Variants in BRPF1 observed in about 807,000 individuals in gnomAD.
BRPF1 encodes the protein bromodomain and PHD finger containing 1, also known as peregrin.
Under a neutral mutation model 115.0 loss-of-function variants are expected in BRPF1, and 15 were observed. The observed-to-expected ratio is 0.13, with a 90% CI of 0.09 to 0.20. BRPF1 has a LOEUF of 0.20. Among genes scored for constraint, BRPF1 ranks in the 10% least tolerant of loss-of-function variants. The pLI is 1.00. For synonymous variants in BRPF1, 647 were observed against 619.8 expected (o/e 1.04, Z -0.65); for missense variants, 1,118 against 1,638.3 (o/e 0.68, Z 5.48).
chr3:9,741,636 C>CAA (rs5846643), intron 5 of BRPF1, among the ~76,000 whole-genome samples, 197 bp downstream of exon 5: 27 of 89,188 alleles, frequency 3.0e-4, no homozygotes, highest in East Asian at 2.0e-3. Context: ...GACTCCGTCT[C>CAA]AAAAAAAAAA....
intron 2 of BRPF1, among the ~76,000 whole-genome samples, chr3:9,735,017 CTTTTTTTT>C (rs781439048): frequency 1.7e-5 from 2 of 120,232 alleles, no homozygotes; most frequent in Non-Finnish European, 3.4e-5. Flanking sequence ...CAGATTTATC[CTTTTTTTT>C]TTTTTTTTTT....
chr3:9,735,288 C>T (rs544128670), intron 2 of BRPF1, among the ~76,000 whole-genome samples: 3 of 152,314 alleles, frequency 2.0e-5, no homozygotes, highest in African/African-American at 7.2e-5. Context: ...GCTGGGATTA[C>T]AGGCGTGAGC....
rs374404519 is a variant in BRPF1, at chr3:9,734,107, T to C, written c.-10-24T>C. The C allele has an allele frequency of 1.5e-5, 23 of 1,548,156 alleles. No individual in the cohort carries two copies. The highest frequency in any genetic ancestry group is 2.3e-5 in the East Asian group (1 of 44,216). ...GGCCAGGAACTCATCCCCAGCCTTA[T>C]GTTAACTGATCTGTGTATTCTAGAT... On this transcript the variant is annotated intron_variant, in intron 1 of 13. Transcript: ENST00000383829. This position sits in a 1 kb window ranked among gnomAD's most constrained non-coding sequence, Gnocchi z 5.7.
chr3:9,734,480 G>T lies in BRPF1; in HGVS notation c.340G>T (p.Asp114Tyr), dbSNP rs1283235363. 1 of 1,614,130 alleles carries T rather than the reference G, an allele frequency of 6.2e-7. No individual in the cohort carries two copies. Among genetic ancestry groups the T allele is most frequent in the South Asian group, 1.1e-5 (1 of 91,064 alleles). Residue 114 changes from aspartate (D) to tyrosine (Y), a missense_variant, in exon 2 of 14, where the codon GAC becomes TAC. Physicochemically the swap from Asp to Tyr is radical, Grantham distance 160. This residue lies in a region of BRPF1 where 280 missense variants were observed against 382.8 expected (regional missense o/e 0.73). Coordinates refer to ENST00000383829, the MANE Select transcript of BRPF1 (RefSeq NM_001003694.2). This position sits in a 1 kb window ranked among gnomAD's most constrained non-coding sequence, Gnocchi z 5.7. ...CCGCGTCCACCGCATCAGCATCTTT[G>T]ACAACCTGGATGTGGTGTCAGAGGA... The part of the protein sequence containing the change: ...HGRVHRISIF[D>Y]NLDVVSEDEE...
Position 9,739,068 on chromosome 3 carries a change from C to G in BRPF1, c.669C>G (p.Ile223Met). 1 of 1,612,480 alleles carries G rather than the reference C, an allele frequency of 6.2e-7. No homozygotes were observed. Among genetic ancestry groups the G allele is most frequent in the Non-Finnish European group, 8.5e-7 (1 of 1,178,974 alleles). Reference sequence around the variant, plus strand: ...ATGACATGGACGAGGAGGACTACATCTGGCTGGATATCATGAATGAGCGTC... The same window carrying G: ...ATGACATGGACGAGGAGGACTACATGTGGCTGGATATCATGAATGAGCGTC... ...VEYDMDEEDY[I>M]WLDIMNERRK... The change falls in exon 3 of 14, where the codon ATC (isoleucine) becomes ATG (methionine). Residue 223 changes from isoleucine to methionine, a missense_variant. Ile to Met is a conservative substitution (Grantham distance 10). This residue lies in a region of BRPF1 where 280 missense variants were observed against 382.8 expected (regional missense o/e 0.73). Transcript: ENST00000383829.
intron 1 of BRPF1, among the ~76,000 whole-genome samples, chr3:9,732,893 G>T (rs186032592): frequency 6.6e-6 from 1 of 152,256 alleles, no homozygotes; most frequent in East Asian, 1.9e-4. Context: ...AACTCAACTA[G>T]GCCGAGAGAA....
chr3:9,739,488 C>A lies in BRPF1; in HGVS notation c.1089C>A (p.Ala363=), dbSNP rs1665677874. 1.2e-6 allele frequency: 2 copies of A among 1,613,622 alleles called. No homozygotes were observed. Among genetic ancestry groups the A allele is most frequent in the Non-Finnish European group, 1.7e-6 (2 of 1,179,606 alleles). Residue 363 remains alanine (A), a synonymous_variant, in exon 3 of 14, where the codon GCC becomes GCA. Transcript: ENST00000383829. ...CALWIPEVCF[A]NTVFLEPIDS... ...TGTGGATCCCTGAGGTCTGCTTCGC[C>A]AACACGGTCTTCCTAGAGCCTATTG...
In BRPF1 at chr3:9,745,182, C is replaced by T. The variant is rs774641888; in HGVS notation, c.3068+27C>T. 5 of 1,607,900 alleles carry T rather than the reference C, an allele frequency of 3.1e-6. No homozygotes were observed. The South Asian group carries it at 3.3e-5, about 11-fold the overall frequency. On this transcript the variant is annotated intron_variant, in intron 10 of 13. Transcript: ENST00000383829. The surrounding 1 kb of genome is among the most constrained non-coding windows in gnomAD (Gnocchi z 5.1). ...TACCAGCCCTCCAGATCGAGGCCAA[C>T]CTCAGGGGATGCCCTTCCAGGGCTC...
At position 9,748,002 on chromosome 3, in the gene BRPF1, CTG is replaced by C. The variant is rs1276562658; in HGVS notation, c.*655_*656del. 2.6e-5 allele frequency: 4 copies of C among 152,022 alleles called. No homozygotes were observed. Among genetic ancestry groups the C allele is most frequent in the Admixed American group, 6.6e-5 (1 of 15,260 alleles). 9.4% of individuals were successfully genotyped at this position (152,022 alleles called of 1,614,324 possible). On this transcript the variant is annotated 3_prime_UTR_variant, in exon 14 of 14. Transcript: ENST00000383829. Reference sequence around the variant, plus strand: ...AATATATTGATTCTTAGAAAATAAACTGTCAATTTAGAATTCTTTGTTCTTGC... The same window carrying C: ...AATATATTGATTCTTAGAAAATAAACTCAATTTAGAATTCTTTGTTCTTGC...
chr3:9,741,881 C>T (rs2077038080), intron 5 of BRPF1, 144 bp from the exon 6 acceptor site: 4 of 907,258 alleles, frequency 4.4e-6, no homozygotes, highest in Non-Finnish European at 6.5e-6. Flanking sequence ...GGTGGAGCCT[C>T]ATAGAAGGTA....
In BRPF1 at chr3:9,734,389, G is replaced by A. The variant is rs1458788149; in HGVS notation, c.249G>A (p.Gln83=). The A allele has an allele frequency of 2.5e-6, 4 of 1,614,092 alleles. No individual in the cohort carries two copies. Among genetic ancestry groups the A allele is most frequent in the Non-Finnish European group, 3.4e-6 (4 of 1,180,024 alleles). The change falls in exon 2 of 14, where the codon CAG becomes CAA. Residue 83 remains glutamine (Q), a synonymous_variant. Coordinates refer to ENST00000383829, the MANE Select transcript of BRPF1 (RefSeq NM_001003694.2). This position sits in a 1 kb window ranked among gnomAD's most constrained non-coding sequence, Gnocchi z 5.7. ...CACCCAGCCCCTCAGAGGTCTCACA[G>A]TCACCAGGCCGTGAGGTGATGAGCT... The part of the protein sequence containing the change: ...KQSPSPSEVS[Q]SPGREVMSYA...
chr3:9,742,379 C>T (rs2077046256), intron 6 of BRPF1: 1 of 985,314 alleles, frequency 1.0e-6, no homozygotes, highest in African/African-American at 1.7e-5. Context: ...AGTCTGCACT[C>T]CTTCCCCAGA....
At chr3:9,735,433 C>T (rs1042147646) in intron 2 of BRPF1, among the ~76,000 whole-genome samples, 2 of 152,184 alleles carry the variant, frequency 1.3e-5, no homozygotes, top group African/African-American at 4.8e-5. Flanking sequence ...ATTCCTGGTC[C>T]TCTCCATTTC....
chr3:9,745,082 A>G lies in BRPF1; in HGVS notation c.2995A>G (p.Ser999Gly). 1 of 1,614,238 alleles carries G rather than the reference A, an allele frequency of 6.2e-7. No individual in the cohort carries two copies. The highest frequency in any genetic ancestry group is 8.5e-7 in the Non-Finnish European group (1 of 1,180,044). ...TTTCTTGGTATACCGTAATGACTGC[A>G]GCCTTCCCCGGAGCAGCTCAGACTC... ...KSFLVYRNDC[S>G]LPRSSSDSES... Residue 999 changes from serine (S) to glycine (G), a missense_variant, in exon 10 of 14, where the codon AGC becomes GGC. Transcript: ENST00000383829. The surrounding 1 kb of genome is among the most constrained non-coding windows in gnomAD (Gnocchi z 5.1).
At position 9,734,759 on chromosome 3, in the gene BRPF1, G is replaced by A. The variant is rs776737678; in HGVS notation, c.599+20G>A. The A allele has an allele frequency of 1.2e-6, 2 of 1,611,430 alleles. No individual in the cohort carries two copies. Among genetic ancestry groups the A allele is most frequent in the Non-Finnish European group, 8.5e-7 (1 of 1,177,976 alleles). ...TTACCGGTAAGGCCACCTCTACCTT[G>A]CAGCTCTGGAAAACTGGTCAAGCAG... On this transcript the variant is annotated intron_variant, in intron 2 of 13. Transcript: ENST00000383829. This position sits in a 1 kb window ranked among gnomAD's most constrained non-coding sequence, Gnocchi z 5.7.
Position 9,743,223 on chromosome 3 carries a change from G to A in BRPF1, c.2281G>A (p.Gly761Arg). Residue 761 changes from glycine to arginine, a missense_variant, in exon 7 of 14, where the codon GGA becomes AGA. Gly to Arg is a moderately radical substitution (Grantham distance 125). Coordinates refer to ENST00000383829, the MANE Select transcript of BRPF1 (RefSeq NM_001003694.2). The surrounding 1 kb of genome is among the most constrained non-coding windows in gnomAD (Gnocchi z 6.1). The stretch of plus-strand genomic sequence containing the variant: ...CATGCATATCCCCCACAGCCTGGCT[G>A]GAGATGAGGCCACACACCACACTGA... ...TGMHIPHSLA[G>R]DEATHHTEDA... 3 of 1,614,008 alleles carry A rather than the reference G, an allele frequency of 1.9e-6. No homozygotes were observed. The highest frequency in any genetic ancestry group is 2.5e-6 in the Non-Finnish European group (3 of 1,179,920).
chr3:9,742,035 A>G lies in BRPF1; in HGVS notation c.1865A>G (p.Gln622Arg). The G allele has an allele frequency of 6.2e-7, 1 of 1,614,188 alleles. No homozygotes were observed. Among genetic ancestry groups the G allele is most frequent in the Non-Finnish European group, 8.5e-7 (1 of 1,180,038 alleles). The change falls in exon 6 of 14, where the codon CAG becomes CGG. Residue 622 changes from glutamine to arginine, a missense_variant. Physicochemically the swap from Gln to Arg is conservative, Grantham distance 43. Around this residue, in one of 10 missense-constraint regions of BRPF1, gnomAD observed 178 missense variants for 303.7 expected, o/e 0.59. Transcript: ENST00000383829. The part of the protein sequence containing the change: ...EKLKRETIKV[Q>R]QIAMEMQLTP... The stretch of plus-strand genomic sequence containing the variant: ...CTTTTTCTATGTTAGATCAAGGTTC[A>G]GCAGATTGCCATGGAGATGCAGCTG...
At chr3:9,740,656 C>T in intron 3 of BRPF1, 123 bp from the exon 4 acceptor site, 2 of 1,256,640 alleles carry the variant, frequency 1.6e-6, no homozygotes, top group South Asian at 1.4e-5. Context: ...GAGTCCCAGG[C>T]CTTTTGGACA....
chr3:9,738,538 A>G (rs563681366), intron 2 of BRPF1, among the ~76,000 whole-genome samples: 1 of 152,360 alleles, frequency 6.6e-6, no homozygotes, highest in African/African-American at 2.4e-5. Flanking sequence ...CACCAGTGCT[A>G]AAACAACTTA....
Sources: allele counts gnomAD v4.1 joint callset (sites outside exome capture counted in the v4.1 genomes callset), GRCh38; gene constraint gnomAD v4.1.1; regional missense constraint gnomAD v4.1.1; non-coding constraint Gnocchi (gnomAD v3.1); transcripts MANE v1.5; gene names NCBI Gene and HGNC (gene_info 2026-07-23, HGNC 2026-07-21).